Variants in TRMT11 observed in about 807,000 individuals in gnomAD.
TRMT11 encodes tRNA (guanine(10)-N(2))-methyltransferase TRMT11.
Under a neutral mutation model 62.8 loss-of-function variants are expected in TRMT11, and 53 were observed. The ratio of observed to expected loss-of-function variants is 0.84; its 90% confidence interval spans 0.68 to 1.06. The LOEUF (loss-of-function observed/expected upper bound fraction) is 1.06. TRMT11 is among the 50% of genes least tolerant of loss of function. The pLI is 0.00. For synonymous variants in TRMT11, 188 were observed against 190.3 expected, an observed-to-expected ratio of 0.99 and a Z score of 0.10; for missense variants, 556 against 553.4, an observed-to-expected ratio of 1.00 and a Z score of -0.05.
the TRMT11 span, among the ~76,000 whole-genome samples, chr6:126,214,462 G>T: frequency 6.6e-6 from 1 of 151,896 alleles, no homozygotes; most frequent in Non-Finnish European, 1.5e-5. Flanking sequence ...GTTAATACTG[G>T]TAGGCTGTAT....
the TRMT11 span, among the ~76,000 whole-genome samples, chr6:126,240,964 T>C: frequency 6.6e-6 from 1 of 152,232 alleles, no homozygotes; most frequent in Admixed American, 6.5e-5. Context: ...CAGACTGCTG[T>C]GCCAGCAATG....
rs892532150 is a variant in TRMT11 at position 126,151,851 on chromosome 6, T to C, written c.*1824-22974T>C. Among the ~76,000 whole-genome samples the C allele has an allele frequency of 2.5e-3, 358 of 142,360 alleles. 3 individuals are homozygous for C. The highest frequency in any genetic ancestry group is 3.6e-3 in the Non-Finnish European group (236 of 64,902). The allele number at this position is 142,360 out of a possible 152,430, so 93.4% of individuals were successfully genotyped here. On this transcript the variant is annotated intron_variant and NMD_transcript_variant, in intron 21 of 22. Transcript: ENST00000648977. ...CTTTCTTTCTTTCTTTCTTTCTTTC[T>C]TTCTTTCTTTCTTTCCTTCTTTCTC...
chr6:126,164,614 C>T (rs1004123215), intron 21 of TRMT11, among the ~76,000 whole-genome samples: 1 of 152,102 alleles, frequency 6.6e-6, no homozygotes, highest in African/African-American at 2.4e-5. Context: ...GAGTTGAAGT[C>T]TTTTGTAGGT....
chr6:126,100,633 C>T (rs1777387880), intron 17 of TRMT11, among the ~76,000 whole-genome samples: 1 of 152,178 alleles, frequency 6.6e-6, no homozygotes, highest in South Asian at 2.1e-4. Context: ...TGTGGCCAGG[C>T]TGAACTTGTG....
intron 17 of TRMT11, among the ~76,000 whole-genome samples, chr6:126,071,807 C>T (rs185813556): frequency 1.1e-4 from 16 of 152,236 alleles, no homozygotes; most frequent in Admixed American, 1.0e-3. Context: ...CTAAAATCTC[C>T]TCCATGTCAT....
the TRMT11 span, among the ~76,000 whole-genome samples, chr6:126,265,071 A>G: frequency 6.6e-6 from 1 of 152,116 alleles, no homozygotes; most frequent in Admixed American, 6.6e-5. Context: ...CTGAGTTGTA[A>G]TTCAATTTGT....
chr6:126,154,516 T>C lies in TRMT11; in HGVS notation c.*1824-20309T>C, dbSNP rs893248172. Among the ~76,000 whole-genome samples, 6 of 152,210 alleles carry C rather than the reference T, an allele frequency of 3.9e-5. No individual in the cohort carries two copies. In the East Asian group the frequency reaches 5.8e-4, roughly 15 times the overall value. Reference sequence around the variant, plus strand: ...GTTTTCTTTTCTAGAATCTAACTTATACTCTTGAGGTTCTGTTATGCTTAG... The same window carrying C: ...GTTTTCTTTTCTAGAATCTAACTTACACTCTTGAGGTTCTGTTATGCTTAG... On this transcript the variant is annotated intron_variant and NMD_transcript_variant, in intron 21 of 22. Coordinates refer to the TRMT11 transcript ENST00000648977.
At chr6:126,182,385 T>C (rs1230536413) in intron 1 of TRMT11, among the ~76,000 whole-genome samples, 4 of 152,062 alleles carry the variant, frequency 2.6e-5, no homozygotes, top group African/African-American at 7.2e-5. Context: ...TTTTCCCACT[T>C]CTTGGTGGTC....
intron 17 of TRMT11, among the ~76,000 whole-genome samples, chr6:126,069,013 T>C (rs1776768802): frequency 6.6e-6 from 1 of 152,248 alleles, no homozygotes; most frequent in South Asian, 2.1e-4. Context: ...CTTTATAATT[T>C]AGGGTACCAG....
At chr6:126,057,059 C>G (rs561785085) in intron 17 of TRMT11, among the ~76,000 whole-genome samples, 21 of 152,266 alleles carry the variant, frequency 1.4e-4, no homozygotes, top group African/African-American at 4.8e-4. Flanking sequence ...TTGTATGTTT[C>G]TTCCTTTTTT....
the TRMT11 span, among the ~76,000 whole-genome samples, chr6:126,224,454 CG>C: frequency 2.0e-5 from 3 of 152,178 alleles, no homozygotes; most frequent in South Asian, 2.1e-4. Flanking sequence ...TCTCTAATGC[CG>C]GGGGGCTGGG....
intron 1 of TRMT11, among the ~76,000 whole-genome samples, chr6:126,182,986 C>T (rs1004622975): frequency 1.3e-5 from 2 of 152,096 alleles, no homozygotes; most frequent in African/African-American, 2.4e-5. Flanking sequence ...CTGCCCCCTA[C>T]AGGGAGGTGA....
intron 1 of TRMT11, among the ~76,000 whole-genome samples, chr6:126,196,013 G>T (rs905161340): frequency 4.6e-5 from 7 of 152,074 alleles, no homozygotes; most frequent in Non-Finnish European, 8.8e-5. Flanking sequence ...CAAGTAACTT[G>T]AATCCTTGAT....
At chr6:126,013,420 C>T (rs1288153728) in intron 11 of TRMT11, among the ~76,000 whole-genome samples, 1 of 151,982 alleles carries the variant, frequency 6.6e-6, no homozygotes, top group African/African-American at 2.4e-5. Context: ...CCATGCTCAG[C>T]TATTTTTTAT....
Position 126,093,631 on chromosome 6 carries a change from A to ATATATTTTTTTTTTTT in TRMT11, c.*1438-19234_*1438-19233insATATTTTTTTTTTTTT, listed in dbSNP as rs1554236842. On this transcript the variant is annotated intron_variant and NMD_transcript_variant, in intron 17 of 22. Coordinates refer to the TRMT11 transcript ENST00000648977. ...TATATATATATATATATATATATAT[A>ATATATTTTTTTTTTTT]TTTTCCCCCAGTCCTGGAGGATCAA... Among the ~76,000 whole-genome samples the ATATATTTTTTTTTTTT allele has an allele frequency of 1.9e-4, 19 of 98,006 alleles. 1 individual carries two copies. Among genetic ancestry groups the ATATATTTTTTTTTTTT allele is most frequent in the African/African-American group, 8.3e-4 (19 of 22,918 alleles). The allele number at this position is 98,006 out of a possible 152,430, so 64.3% of individuals were successfully genotyped here. A position where few individuals can be genotyped will look rare whatever the true frequency, so the allele number is the denominator to read the frequency against.
At chr6:126,084,829 C>A (rs1035961077) in intron 17 of TRMT11, among the ~76,000 whole-genome samples, 1 of 151,934 alleles carries the variant, frequency 6.6e-6, no homozygotes, top group African/African-American at 2.4e-5. Context: ...ATGCAACAAG[C>A]CAGACACAGA....
intron 17 of TRMT11, among the ~76,000 whole-genome samples, chr6:126,098,450 T>C (rs923347627): frequency 2.0e-5 from 3 of 152,198 alleles, no homozygotes; most frequent in Non-Finnish European, 2.9e-5. Context: ...ATTTTTATAA[T>C]GGAAAAGAAG....
At chr6:126,176,218 A>G (rs138062375), upstream of TRMT11, among the ~76,000 whole-genome samples, 461 of 152,326 alleles carry the variant, frequency 3.0e-3, 2 homozygotes, top group African/African-American at 0.01. Flanking sequence ...AGTGAAAGCA[A>G]TCCTGAGCTG....
intron 21 of TRMT11, among the ~76,000 whole-genome samples, chr6:126,151,863 T>TTTCTTTCCTTCC (rs1323998793): frequency 7.1e-5 from 9 of 126,324 alleles, no homozygotes; most frequent in African/African-American, 2.7e-4. Flanking sequence ...TCTTTCTTTC[T>TTTCTTTCCTTCC]TTCCTTCTTT....
Sources: gnomAD v4.1 joint callset for allele counts (sites outside exome capture counted in the v4.1 genomes callset) on GRCh38, gnomAD v4.1.1 for gene constraint, MANE v1.5 for transcripts, NCBI Gene and HGNC (gene_info 2026-07-23, HGNC 2026-07-21) for gene names.